The following AKR1E2 variants were observed in gnomAD, a reference collection of about 807,000 sequenced individuals.
The protein encoded by AKR1E2 is 1,5-anhydro-D-fructose reductase.
AKR1E2 carries 43 observed loss-of-function variants against 41.9 expected under a neutral mutation model. That is an observed-to-expected ratio of 1.03 (90% CI 0.80 to 1.32). The LOEUF is 1.32. AKR1E2 is among the 40% of genes most tolerant of loss of function. The probability of loss-of-function intolerance (pLI) is 0.00; values close to 1 mark genes in which losing one functional copy is unlikely to be tolerated. For missense variants in AKR1E2, 423 were observed against 396.5 expected (o/e 1.07, Z -0.57); for synonymous variants, 121 against 138.9 (o/e 0.87, Z 0.91).
chr10:4,832,660 T>C (rs537624101), intron 2 of AKR1E2, among the ~76,000 whole-genome samples: 1 of 152,366 alleles, frequency 6.6e-6, no homozygotes, highest in African/African-American at 2.4e-5. Flanking sequence ...ACTTCCAGCA[T>C]TCATTTTTTT....
At chr10:4,841,639 T>C (rs1417437787) in intron 6 of AKR1E2, 146 bp from the exon 7 acceptor site, 2 of 556,628 alleles carry the variant, frequency 3.6e-6, no homozygotes, top group Non-Finnish European at 6.0e-6. Context: ...GCGATGTGCT[T>C]TTCTGCATTT....
chr10:4,840,342 G>A (rs2961590), intron 6 of AKR1E2, among the ~76,000 whole-genome samples: 31,050 of 152,064 alleles, frequency 0.2, 3,334 homozygotes, highest in Middle Eastern at 0.34. Flanking sequence ...TATTCTGCCA[G>A]GAGAAGTTGG....
the AKR1E2 span, among the ~76,000 whole-genome samples, chr10:4,863,768 A>T: frequency 6.6e-6 from 1 of 152,210 alleles, no homozygotes; most frequent in Non-Finnish European, 1.5e-5. Context: ...ATAAAAAATG[A>T]TAAAGGGGAT....
At chr10:4,840,854 AT>A (rs1412535197) in intron 6 of AKR1E2, among the ~76,000 whole-genome samples, 1 of 151,736 alleles carries the variant, frequency 6.6e-6, no homozygotes, top group Non-Finnish European at 1.5e-5. Context: ...CTGTCTTGTG[AT>A]TTTCTTCTCA....
chr10:4,839,694 G>A, intron 5 of AKR1E2, 35 bp from the exon 6 acceptor site: 1 of 1,583,254 alleles, frequency 6.3e-7, no homozygotes. Context: ...AACACTAGTG[G>A]TCTGAATTTT....
chr10:4,827,892 G>C (rs1481113788), intron 1 of AKR1E2, among the ~76,000 whole-genome samples: 1 of 152,118 alleles, frequency 6.6e-6, no homozygotes, highest in African/African-American at 2.4e-5. Flanking sequence ...ATTTGGTGCA[G>C]GAGTCCAGAC....
intron 1 of AKR1E2, among the ~76,000 whole-genome samples, chr10:4,830,156 C>T (rs1039673600): frequency 6.6e-6 from 1 of 152,208 alleles, no homozygotes; most frequent in African/African-American, 2.4e-5. Flanking sequence ...TTCCCTAGTT[C>T]TAGTCCCTTC....
At chr10:4,829,785 G>T (rs1038261346) in intron 1 of AKR1E2, among the ~76,000 whole-genome samples, 17 of 152,102 alleles carry the variant, frequency 1.1e-4, no homozygotes, top group Non-Finnish European at 2.1e-4. Flanking sequence ...TTTTTAAAAA[G>T]TTGGCCTCTT....
chr10:4,825,953 C>G (rs1420162798), upstream of AKR1E2, among the ~76,000 whole-genome samples: 4 of 152,200 alleles, frequency 2.6e-5, no homozygotes, highest in African/African-American at 7.2e-5. Flanking sequence ...CAATGCCAGC[C>G]GATTGTAAAA....
chr10:4,830,739 A>G lies in AKR1E2; in HGVS notation c.104A>G (p.Asp35Gly). Reference sequence around the variant, plus strand: ...ATTGACGCAGGGTACCGGCACTTCGACTGTGCTTACTTTTACCACAATGAG... The same window carrying G: ...ATTGACGCAGGGTACCGGCACTTCGGCTGTGCTTACTTTTACCACAATGAG... Reference protein sequence around the residue: ...EAIDAGYRHFDCAYFYHNERE... With the variant: ...EAIDAGYRHFGCAYFYHNERE... Residue 35 changes from aspartate (D) to glycine (G), a missense_variant, in exon 2 of 10, where the codon GAC becomes GGC. Physicochemically the swap from Asp to Gly is moderately conservative, Grantham distance 94. Coordinates refer to ENST00000298375, the MANE Select transcript of AKR1E2 (RefSeq NM_001040177.3). The G allele has an allele frequency of 6.2e-7, 1 of 1,614,066 alleles. No homozygotes were observed. Among genetic ancestry groups the G allele is most frequent in the Non-Finnish European group, 8.5e-7 (1 of 1,179,980 alleles).
rs760281299 is a variant in AKR1E2, at chr10:4,847,116, A to G, written c.838-32A>G. ...GCTCCATTAAATGTGAATTAAACTA[A>G]GTTTTCTACAAACATTGTGTTTTGG... On this transcript the variant is annotated intron_variant, in intron 8 of 9. Coordinates refer to ENST00000298375, the MANE Select transcript of AKR1E2 (RefSeq NM_001040177.3). 4 of 1,613,410 alleles carry G rather than the reference A, an allele frequency of 2.5e-6. No individual in the cohort carries two copies. In the Admixed American group the frequency reaches 5.0e-5, roughly 20 times the overall value.
At chr10:4,835,114 A>G (rs1282704685) in intron 3 of AKR1E2, among the ~76,000 whole-genome samples, 1 of 152,244 alleles carries the variant, frequency 6.6e-6, no homozygotes, top group Non-Finnish European at 1.5e-5. Flanking sequence ...TTAACATGCT[A>G]CGTGGGAGTA....
the AKR1E2 span, among the ~76,000 whole-genome samples, chr10:4,856,369 C>G: frequency 6.6e-6 from 1 of 152,282 alleles, no homozygotes; most frequent in East Asian, 1.9e-4. Context: ...GGAATAAAAG[C>G]ACAACAGGTT....
At chr10:4,860,945 G>A in the AKR1E2 span, among the ~76,000 whole-genome samples, 236 of 152,282 alleles carry the variant, frequency 1.5e-3, 1 homozygote, top group African/African-American at 5.1e-3. Flanking sequence ...GGGGAAGTCC[G>A]TCTTTGGGTC....
At chr10:4,855,769 G>C in the AKR1E2 span, among the ~76,000 whole-genome samples, 4 of 152,208 alleles carry the variant, frequency 2.6e-5, no homozygotes, top group African/African-American at 9.6e-5. Flanking sequence ...AATAAAGACA[G>C]TTTTAAAGAT....
chr10:4,851,795 C>G (rs550724856), downstream of AKR1E2, among the ~76,000 whole-genome samples: 5 of 152,342 alleles, frequency 3.3e-5, no homozygotes, highest in East Asian at 7.7e-4. Flanking sequence ...CTCGGGAAAT[C>G]TGGCTTCAGA....
chr10:4,856,224 A>G, the AKR1E2 span, among the ~76,000 whole-genome samples: 1 of 152,234 alleles, frequency 6.6e-6, no homozygotes, highest in African/African-American at 2.4e-5. Context: ...AATTGTCTTA[A>G]GTTAGAGTAA....
chr10:4,842,375 A>T (rs748276285), intron 7 of AKR1E2, 46 bp from the exon 8 acceptor site: 3 of 1,553,462 alleles, frequency 1.9e-6, no homozygotes, highest in Admixed American at 3.4e-5. Context: ...CTTAGACTAC[A>T]TGGGATTTCC....
At chr10:4,871,874 G>A in the AKR1E2 span, 1 of 152,104 alleles carries the variant, frequency 6.6e-6, no homozygotes, top group Non-Finnish European at 1.5e-5. Context: ...AATAAACTCT[G>A]GAACAACCAC....
Sources: allele counts gnomAD v4.1 joint callset (sites outside exome capture counted in the v4.1 genomes callset), GRCh38; gene constraint gnomAD v4.1.1; transcripts MANE v1.5; gene names NCBI Gene and HGNC (gene_info 2026-07-23, HGNC 2026-07-21).